The following TBC1D9B variants were observed in gnomAD, a reference collection of about 807,000 sequenced individuals.
The protein encoded by TBC1D9B is TBC1 domain family, member 9B (with GRAM domain).
Under a neutral mutation model 121.1 loss-of-function variants are expected in TBC1D9B, and 87 were observed. The ratio of observed to expected loss-of-function variants is 0.72; its 90% CI spans 0.60 to 0.86. TBC1D9B has a LOEUF of 0.86. Among genes scored for constraint, TBC1D9B ranks in the 40% least tolerant of loss-of-function variants. TBC1D9B has a pLI of 0.00. For synonymous variants in TBC1D9B, 668 were observed against 670.1 expected (o/e 1.00, Z 0.05); for missense variants, 1,540 against 1,628.6 (o/e 0.95, Z 0.94).
chr5:179,882,902 A>G (rs1760580295), intron 7 of TBC1D9B, among the ~76,000 whole-genome samples: 1 of 152,198 alleles, frequency 6.6e-6, no homozygotes, highest in African/African-American at 2.4e-5. Context: ...TCTCTTGAGG[A>G]GGAATCTCTC....
intron 20 of TBC1D9B, among the ~76,000 whole-genome samples, chr5:179,864,829 G>A (rs1032997707): frequency 6.6e-6 from 1 of 152,226 alleles, no homozygotes; most frequent in African/African-American, 2.4e-5. Flanking sequence ...TTGGAGCTGG[G>A]GTCTCCCATT....
At chr5:179,886,043 C>T (rs1294307193) in intron 7 of TBC1D9B, among the ~76,000 whole-genome samples, 1 of 152,228 alleles carries the variant, frequency 6.6e-6, no homozygotes. Flanking sequence ...CCCAGACAGG[C>T]TATGGCTAGT....
At chr5:179,896,192 A>G (rs1761012660) in intron 3 of TBC1D9B, among the ~76,000 whole-genome samples, 1 of 152,156 alleles carries the variant, frequency 6.6e-6, no homozygotes, top group Non-Finnish European at 1.5e-5. Context: ...CCCAATTCCA[A>G]CTAAACTTTT....
At chr5:179,867,415 A>AG (rs1760045531) in intron 18 of TBC1D9B, 1 of 1,547,640 alleles carries the variant, frequency 6.5e-7, no homozygotes, top group Non-Finnish European at 8.7e-7. Flanking sequence ...TAGGAGGTAC[A>AG]GGGGGCGCCC....
At position 179,875,205 on chromosome 5, in the gene TBC1D9B, G is replaced by A. The variant is rs924201754; in HGVS notation, c.1901-18C>T. 28 of 1,608,448 alleles carry A rather than the reference G, an allele frequency of 1.7e-5. No homozygotes were observed. Among genetic ancestry groups the A allele is most frequent in the Non-Finnish European group, 2.4e-5 (28 of 1,178,328 alleles). On this transcript the variant is annotated intron_variant, in intron 11 of 20. Transcript: ENST00000355235. This position sits in a 1 kb window ranked among gnomAD's most constrained non-coding sequence, Gnocchi z 4.5. ...CAGGGCTCCTGCGGGCAGGATGAGCGAGGCTGATGGTGAGCCCACCCTGTG... is the reference window on the plus strand; with the variant it reads ...CAGGGCTCCTGCGGGCAGGATGAGCAAGGCTGATGGTGAGCCCACCCTGTG...
At position 179,875,155 on chromosome 5, in the gene TBC1D9B, G is replaced by A; in HGVS notation, c.1933C>T (p.Leu645Phe). The A allele has an allele frequency of 1.2e-6, 2 of 1,613,730 alleles. No individual in the cohort carries two copies. Among genetic ancestry groups the A allele is most frequent in the Non-Finnish European group, 1.7e-6 (2 of 1,180,022 alleles). Residue 645 changes from leucine (L) to phenylalanine (F), a missense_variant, in exon 12 of 21, where the codon CTC (leucine) becomes TTC (phenylalanine). Coordinates refer to ENST00000355235, the MANE Select transcript of TBC1D9B (RefSeq NM_015043.4). This position sits in a 1 kb window ranked among gnomAD's most constrained non-coding sequence, Gnocchi z 4.5. The part of the protein sequence containing the change: ...ALVDQGIFEE[L>F]TRDFLPQLSE... ...AGCTGCGGCAGGAAGTCTCTCGTGA[G>A]CTCTTCGAAGATGCCTTGGTCCACC...
chr5:179,898,912 C>T (rs941624985), intron 3 of TBC1D9B, among the ~76,000 whole-genome samples: 2 of 152,126 alleles, frequency 1.3e-5, no homozygotes, highest in African/African-American at 2.4e-5. Context: ...CAAACAGAAC[C>T]GTCTATCTGC....
intron 17 of TBC1D9B, 185 bp downstream of exon 17, chr5:179,869,584 G>A (rs1293711634): frequency 1.4e-6 from 1 of 718,596 alleles, no homozygotes; most frequent in African/African-American, 1.7e-5. Flanking sequence ...CCCAGGCCAA[G>A]GCCCTGCTCT....
In TBC1D9B at chr5:179,875,933, G is replaced by A; in HGVS notation, c.1887C>T (p.Asn629=). ...LCERMLPDYY[N]TRVVGALVDQ... ...GGGGACACTCACCCACCACCCTGGT[G>A]TTGTAGTAGTCGGGCAGCATGCGCT... Residue 629 remains asparagine (N), a synonymous_variant, in exon 11 of 21, where the codon AAC becomes AAT. Coordinates refer to ENST00000355235, the MANE Select transcript of TBC1D9B (RefSeq NM_015043.4). The surrounding 1 kb of genome is among the most constrained non-coding windows in gnomAD (Gnocchi z 4.5). The A allele has an allele frequency of 6.2e-7, 1 of 1,607,450 alleles. No individual in the cohort carries two copies. The highest frequency in any genetic ancestry group is 8.5e-7 in the Non-Finnish European group (1 of 1,177,640).
At chr5:179,878,910 G>T in intron 9 of TBC1D9B, 137 bp downstream of exon 9, 1 of 1,242,610 alleles carries the variant, frequency 8.0e-7, no homozygotes, top group Non-Finnish European at 1.1e-6. Context: ...CCCAGAGCCC[G>T]GCTCCCGGCT....
At chr5:179,884,429 G>C (rs1760621997) in intron 7 of TBC1D9B, 1 of 152,180 alleles carries the variant, frequency 6.6e-6, no homozygotes, top group Admixed American at 6.5e-5. Context: ...GCCTCCAACT[G>C]TGGTGCACAG....
intron 18 of TBC1D9B, chr5:179,867,397 A>G (rs1561632470): frequency 1.3e-6 from 2 of 1,522,310 alleles, no homozygotes; most frequent in Non-Finnish European, 8.9e-7. Context: ...ATAGTGCAGG[A>G]AGAGTGTTAG....
intron 2 of TBC1D9B, among the ~76,000 whole-genome samples, chr5:179,901,985 A>C (rs1158881993): frequency 6.6e-6 from 1 of 152,164 alleles, no homozygotes; most frequent in Non-Finnish European, 1.5e-5. Context: ...AGGTACCATT[A>C]TTTTCATTTT....
intron 15 of TBC1D9B, 173 bp from the exon 16 acceptor site, chr5:179,870,668 C>A: frequency 9.7e-7 from 1 of 1,026,394 alleles, no homozygotes; most frequent in Non-Finnish European, 1.4e-6. Flanking sequence ...CTGTCATCAG[C>A]CCCTTGTTAA....
Position 179,899,227 on chromosome 5 carries a change from C to T in TBC1D9B, c.310G>A (p.Glu104Lys), listed in dbSNP as rs139914217. The T allele has an allele frequency of 1.2e-5, 19 of 1,613,908 alleles. No homozygotes were observed. The highest frequency in any genetic ancestry group is 1.7e-6 in the Non-Finnish European group (2 of 1,180,008). ...TTGACGAAGGTGGTGATATCTTCCT[C>T]ACTGTCGAAGATGGACAGTGTCTGG... ...LLQTLSIFDSEEDITTFVKGK... is the reference protein window; with the variant it reads ...LLQTLSIFDSKEDITTFVKGK... Residue 104 changes from glutamate (E) to lysine (K), a missense_variant, in exon 3 of 21, where the codon GAG (glutamate) becomes AAG (lysine). Physicochemically the swap from Glu to Lys is moderately conservative, Grantham distance 56. Transcript: ENST00000355235.
chr5:179,862,658 GGGCCCCATACTT>G lies in TBC1D9B; in HGVS notation c.*778_*789del, dbSNP rs1759879015. Reference sequence around the variant, plus strand: ...GTCTTGAACTTCCAGAACACAGCCAGGGCCCCATACTTGGCCTGGGGAGAAGTTGGGAGGCCT... The same window carrying G: ...GTCTTGAACTTCCAGAACACAGCCAGGGCCTGGGGAGAAGTTGGGAGGCCT... On this transcript the variant is annotated 3_prime_UTR_variant, in exon 21 of 21. Transcript: ENST00000355235. The G allele has an allele frequency of 4.7e-5, 21 of 448,428 alleles. 1 individual carries two copies. Among genetic ancestry groups the G allele is most frequent in the South Asian group, 3.1e-4 (20 of 64,420 alleles). 27.8% of individuals were successfully genotyped at this position (448,428 alleles called of 1,614,324 possible).
At chr5:179,899,510 A>G (rs1761111805) in intron 2 of TBC1D9B, among the ~76,000 whole-genome samples, 2 of 152,158 alleles carry the variant, frequency 1.3e-5, no homozygotes, top group South Asian at 4.1e-4. Flanking sequence ...AAAAAATTAA[A>G]CGTCCAGGCT....
rs1329383932 is a variant in TBC1D9B, at chr5:179,875,223, A to G, written c.1901-36T>C. The G allele has an allele frequency of 1.3e-6, 2 of 1,599,600 alleles. No individual in the cohort carries two copies. Among genetic ancestry groups the G allele is most frequent in the South Asian group, 1.1e-5 (1 of 90,020 alleles). On this transcript the variant is annotated intron_variant, in intron 11 of 20. Transcript: ENST00000355235. The surrounding 1 kb of genome is among the most constrained non-coding windows in gnomAD (Gnocchi z 4.5). ...GATGAGCGAGGCTGATGGTGAGCCC[A>G]CCCTGTGGCCTGGGTGGGCCCTCAC...
In TBC1D9B at chr5:179,862,205, T is replaced by G. The variant is rs1759858084; in HGVS notation, c.*1243A>C. ...ATAAGGTTTGTTATTATCTGTGGTT[T>G]TAGACATCCACTGGGGGTCTGGTTT... On this transcript the variant is annotated 3_prime_UTR_variant, in exon 21 of 21. Transcript: ENST00000355235. 1 of 201,696 alleles carries G rather than the reference T, an allele frequency of 5.0e-6. No homozygotes were observed. 12.5% of individuals were successfully genotyped at this position (201,696 alleles called of 1,614,324 possible).
Sources: allele counts gnomAD v4.1 joint callset (sites outside exome capture counted in the v4.1 genomes callset), GRCh38; gene constraint gnomAD v4.1.1; non-coding constraint Gnocchi (gnomAD v3.1); transcripts MANE v1.5; gene names NCBI Gene and HGNC (gene_info 2026-07-23, HGNC 2026-07-21).